The following RBM26 variants were observed in gnomAD, a reference collection of about 807,000 sequenced individuals.
RBM26 encodes RNA binding motif protein 26.
In RBM26, 30 loss-of-function variants were observed where a neutral mutation model predicts 123.6. That is an observed-to-expected ratio of 0.24 (90% CI 0.18 to 0.33). RBM26 has a LOEUF of 0.33. Among genes scored for constraint, RBM26 ranks in the 10% least tolerant of loss-of-function variants. The pLI, the probability that RBM26 is intolerant of heterozygous loss-of-function variation, is 1.00. For missense variants in RBM26, 947 were observed against 1,203.6 expected, an observed-to-expected ratio of 0.79 and a Z score of 3.15; for synonymous variants, 400 against 404.4, an observed-to-expected ratio of 0.99 and a Z score of 0.13.
chr13:79,340,848 A>C (rs2071258494), intron 18 of RBM26, among the ~76,000 whole-genome samples: 1 of 151,946 alleles, frequency 6.6e-6, no homozygotes, highest in Non-Finnish European at 1.5e-5. Flanking sequence ...GGGAGGACAG[A>C]CCAAAAATAG....
intron 2 of RBM26, 69 bp downstream of exon 2, chr13:79,378,720 G>A (rs757161618): frequency 3.3e-5 from 31 of 947,838 alleles, no homozygotes; most frequent in Middle Eastern, 6.7e-4. Flanking sequence ...GATTACAGGC[G>A]TGAGCCACCA....
At chr13:79,376,877 C>T (rs529020858) in intron 3 of RBM26, 1 of 152,626 alleles carries the variant, frequency 6.6e-6, no homozygotes, top group African/African-American at 2.4e-5. Flanking sequence ...TCCCATTACC[C>T]CCTGATAAGG....
At chr13:79,381,488 G>C (rs1014528215) in intron 1 of RBM26, among the ~76,000 whole-genome samples, 2 of 151,836 alleles carry the variant, frequency 1.3e-5, no homozygotes, top group Non-Finnish European at 2.9e-5. Context: ...AGTCTACACT[G>C]AGTCTAAATG....
intron 1 of RBM26, chr13:79,389,507 T>C (rs2077758565): frequency 6.6e-6 from 1 of 152,112 alleles, no homozygotes; most frequent in Non-Finnish European, 1.5e-5. Context: ...ACAACCTAAA[T>C]GACAAATAAG....
intron 1 of RBM26, among the ~76,000 whole-genome samples, chr13:79,381,439 A>ATAT (rs3064582): frequency 0.99 from 149,579 of 151,770 alleles, 73,751 homozygotes; most frequent in South Asian, 1. Flanking sequence ...ATACATAATA[A>ATAT]TATTATTATG....
At chr13:79,398,536 C>A (rs952703220) in intron 1 of RBM26, among the ~76,000 whole-genome samples, 1 of 152,152 alleles carries the variant, frequency 6.6e-6, no homozygotes, top group East Asian at 1.9e-4. Context: ...AATGTTTTAA[C>A]CAATAATTAT....
intron 17 of RBM26, among the ~76,000 whole-genome samples, chr13:79,341,566 ATGTT>A (rs1396633352): frequency 1.3e-5 from 2 of 151,860 alleles, no homozygotes; most frequent in African/African-American, 2.4e-5. Context: ...AATACAGAGT[ATGTT>A]TTTATGTAGA....
chr13:79,374,127 T>C (rs968673664), intron 3 of RBM26, among the ~76,000 whole-genome samples: 4 of 152,108 alleles, frequency 2.6e-5, no homozygotes, highest in African/African-American at 4.8e-5. Context: ...TCCCAGTTTA[T>C]GCCAGCTGTT....
chr13:79,360,232 T>C (rs1283238546), intron 9 of RBM26, among the ~76,000 whole-genome samples: 1 of 152,072 alleles, frequency 6.6e-6, no homozygotes, highest in Non-Finnish European at 1.5e-5. Context: ...AAAAGCATAG[T>C]ATATGTAGGG....
At chr13:79,395,794 A>G (rs1434447739) in intron 1 of RBM26, among the ~76,000 whole-genome samples, 2 of 152,272 alleles carry the variant, frequency 1.3e-5, no homozygotes, top group South Asian at 4.1e-4. Flanking sequence ...ATCCAAATCA[A>G]AAGCAAAGGG....
At chr13:79,403,587 C>T (rs2079238808) in intron 1 of RBM26, among the ~76,000 whole-genome samples, 1 of 152,174 alleles carries the variant, frequency 6.6e-6, no homozygotes, top group African/African-American at 2.4e-5. Context: ...ACACACCAGA[C>T]AGTAGTCTAA....
chr13:79,330,062 C>T (rs983841204), intron 20 of RBM26, among the ~76,000 whole-genome samples: 2 of 152,092 alleles, frequency 1.3e-5, no homozygotes, highest in Non-Finnish European at 2.9e-5. Flanking sequence ...AAGATTGGCC[C>T]TAAGTCGATA....
At chr13:79,365,524 T>C in intron 9 of RBM26, 54 bp downstream of exon 9, 1 of 1,414,204 alleles carries the variant, frequency 7.1e-7, no homozygotes, top group Non-Finnish European at 9.9e-7. Context: ...TTATAAATGT[T>C]TTCCCACTGT....
At chr13:79,322,165 G>T in intron 21 of RBM26, 184 bp downstream of exon 21, 1 of 408,366 alleles carries the variant, frequency 2.4e-6, no homozygotes, top group Non-Finnish European at 4.3e-6. Context: ...TTTTGAATTA[G>T]CAATCCACAT....
At chr13:79,335,835 C>G (rs912422346) in intron 19 of RBM26, among the ~76,000 whole-genome samples, 3 of 152,068 alleles carry the variant, frequency 2.0e-5, no homozygotes, top group African/African-American at 7.2e-5. Flanking sequence ...AAACTATACA[C>G]AACATACAAA....
At chr13:79,358,799 T>G (rs947299954) in intron 10 of RBM26, among the ~76,000 whole-genome samples, 2 of 152,228 alleles carry the variant, frequency 1.3e-5, no homozygotes, top group African/African-American at 4.8e-5. Flanking sequence ...ATATCCTATC[T>G]TAAAACTTTA....
chr13:79,320,835 G>T (rs571688740), intron 21 of RBM26, 125 bp from the exon 22 acceptor site: 45 of 1,098,052 alleles, frequency 4.1e-5, no homozygotes, highest in Non-Finnish European at 5.1e-5. Context: ...TTTATAGCTA[G>T]AACATTCACA....
At chr13:79,403,855 C>G (rs953051159) in intron 1 of RBM26, among the ~76,000 whole-genome samples, 1 of 152,198 alleles carries the variant, frequency 6.6e-6, no homozygotes, top group African/African-American at 2.4e-5. Context: ...TTCCACTTTG[C>G]TAAATCTAAG....
intron 1 of RBM26, among the ~76,000 whole-genome samples, chr13:79,380,800 T>C (rs904465082): frequency 6.6e-6 from 1 of 152,194 alleles, no homozygotes; most frequent in South Asian, 2.1e-4. Flanking sequence ...CAGCATTTGG[T>C]AACCACTATT....
Sources: gnomAD v4.1 joint callset for allele counts (sites outside exome capture counted in the v4.1 genomes callset) on GRCh38, gnomAD v4.1.1 for gene constraint, MANE v1.5 for transcripts, NCBI Gene and HGNC (gene_info 2026-07-23, HGNC 2026-07-21) for gene names.